Variants in ZNF343 observed in about 807,000 individuals in gnomAD.
ZNF343 encodes the protein zinc finger protein 343.
A neutral mutation model predicts 13.8 loss-of-function variants in ZNF343; 11 were observed. The ratio of observed to expected loss-of-function variants is 0.80; its 90% CI spans 0.50 to 1.32. The LOEUF (loss-of-function observed/expected upper bound fraction) is 1.32, where lower values mean the gene tolerates loss of function less well. Among genes scored for constraint, ZNF343 ranks in the 40% most tolerant of loss-of-function variants. ZNF343 has a pLI of 0.00. For missense variants in ZNF343, 658 were observed against 714.2 expected, an observed-to-expected ratio of 0.92 and a Z score of 0.90; for synonymous variants, 248 against 260.0, an observed-to-expected ratio of 0.95 and a Z score of 0.44.
At chr20:2,499,451 C>A (rs1206657166) in intron 2 of ZNF343, among the ~76,000 whole-genome samples, 1 of 70,012 alleles carries the variant, frequency 1.4e-5, no homozygotes, top group African/African-American at 5.6e-5. Flanking sequence ...GGCGACAGAG[C>A]GAGACTCCGT....
intron 1 of ZNF343, among the ~76,000 whole-genome samples, chr20:2,506,978 G>A (rs1198414681): frequency 1.3e-5 from 2 of 151,638 alleles, no homozygotes; most frequent in East Asian, 1.9e-4. Context: ...AAAATGAGTG[G>A]GCCAGCCGGG....
At chr20:2,520,918 A>G (rs1045873979) in intron 1 of ZNF343, among the ~76,000 whole-genome samples, 21 of 152,282 alleles carry the variant, frequency 1.4e-4, no homozygotes, top group South Asian at 2.1e-4. Flanking sequence ...ACACAGCCCC[A>G]GGGCAAGGGG....
At chr20:2,494,607 A>G (rs971366618) in intron 2 of ZNF343, among the ~76,000 whole-genome samples, 1 of 152,148 alleles carries the variant, frequency 6.6e-6, no homozygotes, top group African/African-American at 2.4e-5. Flanking sequence ...CGTCTCTACA[A>G]AAAATACAAA....
At chr20:2,492,630 G>T (rs1240110467) in intron 5 of ZNF343, 69 bp downstream of exon 5, 8 of 1,553,130 alleles carry the variant, frequency 5.2e-6, no homozygotes, top group Admixed American at 4.3e-5. Context: ...ACATTTTTTT[G>T]TGGTACATAT....
chr20:2,505,721 G>C (rs1259835658), intron 1 of ZNF343, among the ~76,000 whole-genome samples: 1 of 152,096 alleles, frequency 6.6e-6, no homozygotes, highest in Non-Finnish European at 1.5e-5. Context: ...AATGGTGCTG[G>C]GAAAACTGGC....
intron 1 of ZNF343, among the ~76,000 whole-genome samples, chr20:2,517,948 C>CA (rs2085766524): frequency 1.3e-5 from 2 of 151,934 alleles, no homozygotes; most frequent in African/African-American, 2.4e-5. Context: ...AAAGACATCT[C>CA]AAAATCACAT....
chr20:2,497,606 G>A (rs1347693503), intron 2 of ZNF343, among the ~76,000 whole-genome samples: 2 of 152,198 alleles, frequency 1.3e-5, no homozygotes, highest in African/African-American at 4.8e-5. Flanking sequence ...AGTTTCTGGA[G>A]GGTGAGCTAC....
At chr20:2,490,489 G>A (rs990080273) in intron 5 of ZNF343, among the ~76,000 whole-genome samples, 6 of 151,668 alleles carry the variant, frequency 4.0e-5, no homozygotes, top group African/African-American at 1.5e-4. Flanking sequence ...TCATTTGTTT[G>A]TGTGTGTGTT....
At chr20:2,488,255 T>C (rs2085313312) in intron 5 of ZNF343, among the ~76,000 whole-genome samples, 1 of 152,112 alleles carries the variant, frequency 6.6e-6, no homozygotes, top group Admixed American at 6.6e-5. Context: ...TACGGTTTAA[T>C]TTTTTACATT....
intron 2 of ZNF343, among the ~76,000 whole-genome samples, chr20:2,500,306 T>C (rs1173500212): frequency 1.3e-5 from 2 of 152,248 alleles, no homozygotes; most frequent in Non-Finnish European, 2.9e-5. Context: ...TAAAATATTG[T>C]GGAGACTATA....
chr20:2,507,876 G>A (rs2122731389), intron 1 of ZNF343, among the ~76,000 whole-genome samples: 1 of 152,254 alleles, frequency 6.6e-6, no homozygotes, highest in East Asian at 1.9e-4. Flanking sequence ...CTCACCATAT[G>A]CCGGAAGTGA....
intron 1 of ZNF343, among the ~76,000 whole-genome samples, chr20:2,502,887 G>C (rs2085593349): frequency 6.6e-6 from 1 of 152,130 alleles, no homozygotes; most frequent in Non-Finnish European, 1.5e-5. Flanking sequence ...ATTGAGGCTA[G>C]GAAGAAACTG....
chr20:2,514,961 G>A (rs1490337352), intron 1 of ZNF343, among the ~76,000 whole-genome samples: 1 of 149,770 alleles, frequency 6.7e-6, no homozygotes, highest in Non-Finnish European at 1.5e-5. Context: ...TTGCACCACT[G>A]CACTGCACTC....
chr20:2,492,323 A>T (rs2085378963), intron 5 of ZNF343, among the ~76,000 whole-genome samples: 1 of 152,144 alleles, frequency 6.6e-6, no homozygotes, highest in African/African-American at 2.4e-5. Flanking sequence ...TACACTAGAT[A>T]CCTACAGTTC....
At chr20:2,497,117 G>A (rs771011486) in intron 2 of ZNF343, among the ~76,000 whole-genome samples, 40 of 152,264 alleles carry the variant, frequency 2.6e-4, no homozygotes, top group Admixed American at 4.6e-4. Flanking sequence ...TGTGAGGAAA[G>A]CTATAACTGG....
chr20:2,501,646 C>A (rs1190644800), intron 1 of ZNF343, among the ~76,000 whole-genome samples: 1 of 152,210 alleles, frequency 6.6e-6, no homozygotes, highest in Non-Finnish European at 1.5e-5. Flanking sequence ...GCAACATTTG[C>A]TGTTCACCAA....
At chr20:2,506,467 A>T (rs1365076034) in intron 1 of ZNF343, among the ~76,000 whole-genome samples, 2 of 152,090 alleles carry the variant, frequency 1.3e-5, no homozygotes, top group Non-Finnish European at 2.9e-5. Context: ...AGGATTATAA[A>T]TCATGCTGCT....
intron 2 of ZNF343, among the ~76,000 whole-genome samples, chr20:2,497,914 C>T (rs1600059953): frequency 6.6e-6 from 1 of 151,992 alleles, no homozygotes; most frequent in African/African-American, 2.4e-5. Context: ...GGCTCCTCCA[C>T]GGCCAGGAAG....
At chr20:2,504,635 G>C (rs2085624958) in intron 1 of ZNF343, among the ~76,000 whole-genome samples, 1 of 152,174 alleles carries the variant, frequency 6.6e-6, no homozygotes, top group South Asian at 2.1e-4. Context: ...TGGGATGCAA[G>C]GCTGGTTCAA....
Sources: allele counts gnomAD v4.1 joint callset (sites outside exome capture counted in the v4.1 genomes callset), GRCh38; gene constraint gnomAD v4.1.1; transcripts MANE v1.5; gene names NCBI Gene and HGNC (gene_info 2026-07-23, HGNC 2026-07-21).